The following SMARCA4 variants were observed in gnomAD, a reference collection of about 807,000 sequenced individuals.
SMARCA4 encodes the protein SWI/SNF-related matrix-associated actin-dependent regulator of chromatin subfamily A member 4.
In SMARCA4, 31 loss-of-function variants were observed where a neutral mutation model predicts 193.9. The ratio of observed to expected loss-of-function variants is 0.16; its 90% confidence interval spans 0.12 to 0.22. The LOEUF is 0.22. SMARCA4 is among the 10% of genes least tolerant of loss of function. SMARCA4 has a pLI of 1.00. For missense variants in SMARCA4, 1,148 were observed against 2,296.0 expected (o/e 0.50, Z 10.22); for synonymous variants, 942 against 933.1 (o/e 1.01, Z -0.17).
At chr19:10,975,346 T>G (rs949061465) in intron 1 of SMARCA4, among the ~76,000 whole-genome samples, 1 of 141,038 alleles carries the variant, frequency 7.1e-6, no homozygotes, top group African/African-American at 2.7e-5. Flanking sequence ...TGAGTGTTTC[T>G]CTGTTGCCAG....
chr19:10,975,659 G>A (rs1016393252), intron 1 of SMARCA4, among the ~76,000 whole-genome samples: 1 of 152,076 alleles, frequency 6.6e-6, no homozygotes, highest in Admixed American at 6.6e-5. Context: ...GGTTGTGTGG[G>A]GGTTCTGATT....
At chr19:11,028,568 G>A (rs1600342141) in intron 24 of SMARCA4, among the ~76,000 whole-genome samples, 2 of 152,342 alleles carry the variant, frequency 1.3e-5, no homozygotes, top group Admixed American at 1.3e-4. Flanking sequence ...GAGCACGGAG[G>A]GAGGGAAGCA....
chr19:11,048,288 A>G (rs543825984), intron 30 of SMARCA4, among the ~76,000 whole-genome samples: 10 of 151,640 alleles, frequency 6.6e-5, no homozygotes, highest in Non-Finnish European at 1.2e-4. Context: ...CTGGAGTGCC[A>G]TGGCACAATC....
Position 11,019,518 on chromosome 19 carries a change from G to A in SMARCA4, c.2506-73G>A, listed in dbSNP as rs921419676. ...GCCGTGTCACTGGGCAGTTGCAGGGGGTGCCTGTGCCCCTCTTGCCACCTG... is the reference window on the plus strand; with the variant it reads ...GCCGTGTCACTGGGCAGTTGCAGGGAGTGCCTGTGCCCCTCTTGCCACCTG... On this transcript the variant is annotated intron_variant, in intron 17 of 34. Transcript: ENST00000344626. This position sits in a 1 kb window ranked among gnomAD's most constrained non-coding sequence, Gnocchi z 6.1. 4.5e-6 allele frequency: 4 copies of A among 887,518 alleles called. No individual in the cohort carries two copies. The highest frequency in any genetic ancestry group is 1.6e-5 in the African/African-American group (1 of 60,620). The allele number at this position is 887,518 out of a possible 1,614,324, so 55.0% of individuals were successfully genotyped here.
At chr19:11,057,805 A>G (rs375229607) in intron 30 of SMARCA4, among the ~76,000 whole-genome samples, 64 of 152,274 alleles carry the variant, frequency 4.2e-4, no homozygotes, top group East Asian at 1.4e-3. Context: ...AGAAGCTACA[A>G]GAAAGCACAT....
At chr19:11,015,530 G>A (rs1320308150) in intron 16 of SMARCA4, among the ~76,000 whole-genome samples, 2 of 152,156 alleles carry the variant, frequency 1.3e-5, no homozygotes, top group African/African-American at 4.8e-5. Flanking sequence ...CTCGGGCAAG[G>A]TGCCTGCTGG....
At chr19:11,017,215 G>A (rs764543600) in intron 16 of SMARCA4, among the ~76,000 whole-genome samples, 2 of 152,208 alleles carry the variant, frequency 1.3e-5, no homozygotes, top group East Asian at 1.9e-4. Flanking sequence ...CTCAGCTTCC[G>A]TGGACAACAG....
chr19:10,985,660 G>T lies in SMARCA4; in HGVS notation c.355+255G>T, dbSNP rs999151796. Among the ~76,000 whole-genome samples, 6 of 152,228 alleles carry T rather than the reference G, an allele frequency of 3.9e-5. No individual in the cohort carries two copies. The highest frequency in any genetic ancestry group is 1.4e-4 in the African/African-American group (6 of 41,456). On this transcript the variant is annotated intron_variant, in intron 3 of 34. Transcript: ENST00000344626. The surrounding 1 kb of genome is among the most constrained non-coding windows in gnomAD (Gnocchi z 4.5). Reference sequence around the variant, plus strand: ...ATGTTCAGCATGGGTGATAGAGGAGGGCTGTGCAGGGCAGCAGCCCCGTGC... The same window carrying T: ...ATGTTCAGCATGGGTGATAGAGGAGTGCTGTGCAGGGCAGCAGCCCCGTGC...
At chr19:11,049,434 G>A (rs893660732) in intron 30 of SMARCA4, among the ~76,000 whole-genome samples, 3 of 151,854 alleles carry the variant, frequency 2.0e-5, no homozygotes, top group African/African-American at 7.3e-5. Flanking sequence ...GTCAGGTTCG[G>A]GCTTGTGGGG....
At chr19:10,963,248 C>T (rs887972302) in intron 1 of SMARCA4, among the ~76,000 whole-genome samples, 10 of 151,406 alleles carry the variant, frequency 6.6e-5, no homozygotes, top group Admixed American at 2.0e-4. Context: ...TGGCATGCAC[C>T]GGTGGTCCCA....
intron 11 of SMARCA4, among the ~76,000 whole-genome samples, chr19:10,998,109 A>G (rs932298373): frequency 2.7e-5 from 4 of 150,634 alleles, no homozygotes; most frequent in East Asian, 3.9e-4. Context: ...CTGGTCTTGA[A>G]CTCCTGGGCT....
At chr19:10,982,686 A>G (rs891788631) in intron 1 of SMARCA4, among the ~76,000 whole-genome samples, 2 of 151,530 alleles carry the variant, frequency 1.3e-5, no homozygotes, top group Non-Finnish European at 2.9e-5. Context: ...TTGTATTTTT[A>G]GTAGAGACAG....
intron 16 of SMARCA4, among the ~76,000 whole-genome samples, chr19:11,014,482 C>T (rs1332759893): frequency 6.6e-6 from 1 of 152,228 alleles, no homozygotes; most frequent in East Asian, 1.9e-4. Flanking sequence ...GCTGCACCTC[C>T]CCTCGTGGTC....
At chr19:11,055,032 A>C (rs1230245059) in intron 30 of SMARCA4, among the ~76,000 whole-genome samples, 1 of 151,916 alleles carries the variant, frequency 6.6e-6, no homozygotes. Flanking sequence ...GGCTCTCAGC[A>C]CCCTGCCTGT....
chr19:11,001,503 C>T (rs1461922905), intron 11 of SMARCA4, among the ~76,000 whole-genome samples: 1 of 152,170 alleles, frequency 6.6e-6, no homozygotes, highest in African/African-American at 2.4e-5. Context: ...CCAAGCCTCA[C>T]TCCAGAGGAG....
chr19:11,034,196 T>A lies in SMARCA4; in HGVS notation c.3947T>A (p.Phe1316Tyr), dbSNP rs1455103075. 1.2e-6 allele frequency: 2 copies of A among 1,613,242 alleles called. No homozygotes were observed. The highest frequency in any genetic ancestry group is 3.3e-5 in the Admixed American group (2 of 60,016). The part of the protein sequence containing the change: ...IARHEEEFDL[F>Y]MRMDLDRRRE... ...CGGCACGAGGAGGAGTTTGATCTGTTCATGGTAAGCGCTGCAGGCTGGATG... is the reference window on the plus strand; with the variant it reads ...CGGCACGAGGAGGAGTTTGATCTGTACATGGTAAGCGCTGCAGGCTGGATG... The change falls in exon 28 of 35, where the codon TTC becomes TAC. Residue 1316 changes from phenylalanine to tyrosine, a missense_variant. Phe to Tyr is a conservative substitution (Grantham distance 22). Coordinates refer to ENST00000344626, the MANE Select transcript of SMARCA4 (RefSeq NM_003072.5). The surrounding 1 kb of genome is among the most constrained non-coding windows in gnomAD (Gnocchi z 7.0).
At chr19:11,017,711 A>G (rs1467950679) in intron 16 of SMARCA4, among the ~76,000 whole-genome samples, 1 of 152,172 alleles carries the variant, frequency 6.6e-6, no homozygotes, top group African/African-American at 2.4e-5. Context: ...CCATCACTCC[A>G]GGGAGGTTTC....
intron 1 of SMARCA4, among the ~76,000 whole-genome samples, chr19:10,976,915 G>A (rs1008734516): frequency 6.6e-6 from 1 of 152,056 alleles, no homozygotes; most frequent in Non-Finnish European, 1.5e-5. Context: ...AAATTAGCCA[G>A]GTTCGGCAGT....
At chr19:10,968,648 T>G (rs1407776896) in intron 1 of SMARCA4, among the ~76,000 whole-genome samples, 1 of 152,198 alleles carries the variant, frequency 6.6e-6, no homozygotes, top group Non-Finnish European at 1.5e-5. Flanking sequence ...GTGCTAGCTC[T>G]TGGGAGTTTT....
Sources: gnomAD v4.1 joint callset for allele counts (sites outside exome capture counted in the v4.1 genomes callset) on GRCh38, gnomAD v4.1.1 for gene constraint, Gnocchi (gnomAD v3.1) non-coding constraint, MANE v1.5 for transcripts, NCBI Gene and HGNC (gene_info 2026-07-23, HGNC 2026-07-21) for gene names.